The following ZFP2 variants were observed in gnomAD, a reference collection of about 807,000 sequenced individuals.
ZFP2 encodes the protein ZFP2 zinc finger protein.
A neutral mutation model predicts 36.1 loss-of-function variants in ZFP2; 33 were observed. That is an observed-to-expected ratio of 0.92 (90% CI 0.69 to 1.22). ZFP2 has a LOEUF of 1.22. Among genes scored for constraint, ZFP2 ranks in the 50% most tolerant of loss-of-function variants. The pLI is 0.00. For missense variants in ZFP2, 522 were observed against 551.4 expected (o/e 0.95, Z 0.53); for synonymous variants, 170 against 178.0 (o/e 0.96, Z 0.36).
chr5:178,928,659 G>C (rs1561685377), intron 4 of ZFP2, among the ~76,000 whole-genome samples: 3 of 152,242 alleles, frequency 2.0e-5, no homozygotes, highest in Non-Finnish European at 4.4e-5. Flanking sequence ...AGTCCCTGCA[G>C]TGCTCTCATG....
At chr5:178,918,415 T>C (rs1036795995) in intron 4 of ZFP2, among the ~76,000 whole-genome samples, 3 of 152,142 alleles carry the variant, frequency 2.0e-5, no homozygotes, top group Non-Finnish European at 4.4e-5. Context: ...AGAAAATAAA[T>C]AAATCAACTT....
intron 1 of ZFP2, among the ~76,000 whole-genome samples, chr5:178,905,908 C>T (rs1205580224): frequency 3.3e-5 from 5 of 152,178 alleles, no homozygotes; most frequent in South Asian, 2.1e-4. Flanking sequence ...CACACTACCA[C>T]GCCCAGCCAA....
chr5:178,932,281 TAA>T lies in ZFP2; in HGVS notation c.971_972del (p.Lys324ThrfsTer3), dbSNP rs1334894824. The T allele has an allele frequency of 5.6e-6, 9 of 1,613,952 alleles. No homozygotes were observed. The highest frequency in any genetic ancestry group is 7.6e-6 in the Non-Finnish European group (9 of 1,180,002). ...GAACATCAGAGACTTCATTCTGGAGTAAAACCTTTTGAATGTAACGAGTGTGG... is the reference window on the plus strand; with the variant it reads ...GAACATCAGAGACTTCATTCTGGAGTAACCTTTTGAATGTAACGAGTGTGG... On this transcript the variant is annotated frameshift_variant, in exon 5 of 5. Transcript: ENST00000361362. LOFTEE classifies it high-confidence loss of function.
intron 4 of ZFP2, among the ~76,000 whole-genome samples, chr5:178,918,478 C>A (rs1246785507): frequency 6.6e-6 from 1 of 152,224 alleles, no homozygotes; most frequent in African/African-American, 2.4e-5. Flanking sequence ...ATCCCACACA[C>A]CCATACTGTG....
chr5:178,898,109 C>T (rs1730726809), intron 1 of ZFP2, among the ~76,000 whole-genome samples: 5 of 152,176 alleles, frequency 3.3e-5, no homozygotes, highest in Admixed American at 3.3e-4. Flanking sequence ...CTGCCTCAGA[C>T]TCCTGAGTGG....
chr5:178,925,677 A>C (rs947669784), intron 4 of ZFP2, among the ~76,000 whole-genome samples: 2 of 149,066 alleles, frequency 1.3e-5, no homozygotes, highest in African/African-American at 4.9e-5. Flanking sequence ...TTACGTTTGC[A>C]GACCATTCAG....
Position 178,913,024 on chromosome 5 carries a change from GA to G in ZFP2, c.-270del. On this transcript the variant is annotated 5_prime_UTR_variant, in exon 3 of 5. It introduces an in-frame stop codon into an upstream open reading frame of the 5' UTR. Coordinates refer to ENST00000361362, the MANE Select transcript of ZFP2 (RefSeq NM_030613.4). ...CCCAATGGGACTTCCCAGCTGGAAC[GA>G]GAACTGAGTCTGATGCAAAAAGAAC... The G allele has an allele frequency of 1.0e-6, 1 of 985,886 alleles. No individual in the cohort carries two copies. Among genetic ancestry groups the G allele is most frequent in the Non-Finnish European group, 1.2e-6 (1 of 829,958 alleles). The allele number at this position is 985,886 out of a possible 1,614,324, so 61.1% of individuals were successfully genotyped here. A position where few individuals can be genotyped will look rare whatever the true frequency, so the allele number is the denominator to read the frequency against.
chr5:178,916,653 G>A lies in ZFP2; in HGVS notation c.-135G>A. On this transcript the variant is annotated 5_prime_UTR_variant, in exon 4 of 5. Coordinates refer to ENST00000361362, the MANE Select transcript of ZFP2 (RefSeq NM_030613.4). ...CAAGGGGAGAAAGTATTGACTGAGT[G>A]CTGTGCTCAGCTCTTCCACAGCCAG... 1 of 985,394 alleles carries A rather than the reference G, an allele frequency of 1.0e-6. No homozygotes were observed. Among genetic ancestry groups the A allele is most frequent in the Non-Finnish European group, 1.2e-6 (1 of 829,910 alleles). 61.0% of individuals were successfully genotyped at this position (985,394 alleles called of 1,614,324 possible). A position where few individuals can be genotyped will look rare whatever the true frequency, so the allele number is the denominator to read the frequency against.
chr5:178,932,271 C>A lies in ZFP2; in HGVS notation c.958C>A (p.His320Asn). The change falls in exon 5 of 5, where the codon CAT (histidine) becomes AAT (asparagine). Residue 320 changes from histidine to asparagine, a missense_variant. Coordinates refer to ENST00000361362, the MANE Select transcript of ZFP2 (RefSeq NM_030613.4). ...STYLIEHQRL[H>N]SGVKPFECNE... ...ATATCTTATAGAACATCAGAGACTT[C>A]ATTCTGGAGTAAAACCTTTTGAATG... 4 of 1,614,206 alleles carry A rather than the reference C, an allele frequency of 2.5e-6. No individual in the cohort carries two copies. Among genetic ancestry groups the A allele is most frequent in the Non-Finnish European group, 3.4e-6 (4 of 1,180,036 alleles).
At chr5:178,901,796 T>TG (rs1758062620) in intron 1 of ZFP2, among the ~76,000 whole-genome samples, 1 of 107,184 alleles carries the variant, frequency 9.3e-6, no homozygotes, top group South Asian at 2.9e-4. Flanking sequence ...TTTTTTGGTT[T>TG]GTTTTTTTTT....
In ZFP2 at chr5:178,932,819, A is replaced by G. The variant is rs564689355; in HGVS notation, c.*120A>G. 3.2e-6 allele frequency: 4 copies of G among 1,247,114 alleles called. No individual in the cohort carries two copies. The highest frequency in any genetic ancestry group is 5.0e-5 in the East Asian group (2 of 40,144). The allele number at this position is 1,247,114 out of a possible 1,614,324, so 77.3% of individuals were successfully genotyped here. A position where few individuals can be genotyped will look rare whatever the true frequency, so the allele number is the denominator to read the frequency against. On this transcript the variant is annotated 3_prime_UTR_variant, in exon 5 of 5. Coordinates refer to ENST00000361362, the MANE Select transcript of ZFP2 (RefSeq NM_030613.4). ...GGGAATCTTTCAGTTGAAGTACAAT[A>G]TGTCATATCAGATAATACCACTGCA...
Position 178,916,290 on chromosome 5 carries a change from G to T in ZFP2, c.-223-275G>T, listed in dbSNP as rs963506210. On this transcript the variant is annotated intron_variant, in intron 3 of 4. Transcript: ENST00000361362. ...GCCCATTTAGTGCTGAGAGAAATACGCTGTGGGCAGAAAAGTGAAGAGGAA... is the reference window on the plus strand; with the variant it reads ...GCCCATTTAGTGCTGAGAGAAATACTCTGTGGGCAGAAAAGTGAAGAGGAA... 2.0e-5 allele frequency among the ~76,000 whole-genome samples: 3 copies of T among 152,206 alleles called. No individual in the cohort carries two copies. In the East Asian group the frequency reaches 5.8e-4, roughly 29 times the overall value.
intron 3 of ZFP2, chr5:178,915,598 G>GC (rs1758408190): frequency 6.7e-6 from 1 of 148,864 alleles, no homozygotes; most frequent in Non-Finnish European, 1.5e-5. Context: ...ATAGGCGTGA[G>GC]CCATGGCACC....
intron 4 of ZFP2, among the ~76,000 whole-genome samples, chr5:178,929,418 C>A (rs1758770364): frequency 6.6e-6 from 1 of 152,160 alleles, no homozygotes; most frequent in African/African-American, 2.4e-5. Flanking sequence ...AGCAGACAAC[C>A]CACCTCTTGT....
At chr5:178,905,041 G>A (rs770910430) in intron 1 of ZFP2, among the ~76,000 whole-genome samples, 2 of 151,918 alleles carry the variant, frequency 1.3e-5, no homozygotes, top group Middle Eastern at 3.4e-3. Flanking sequence ...CTCATTTTTC[G>A]TTTCAAAAGT....
intron 3 of ZFP2, among the ~76,000 whole-genome samples, chr5:178,916,345 CTG>C (rs1214675504): frequency 3.9e-5 from 6 of 152,184 alleles, no homozygotes; most frequent in Admixed American, 3.9e-4. Flanking sequence ...TAAGTACAGA[CTG>C]TCGTTTCAAC....
chr5:178,920,003 G>C (rs140686270), intron 4 of ZFP2, among the ~76,000 whole-genome samples: 1 of 151,996 alleles, frequency 6.6e-6, no homozygotes, highest in Non-Finnish European at 1.5e-5. Flanking sequence ...GCATCTGGGC[G>C]TGGATTTCTT....
Position 178,931,687 on chromosome 5 carries a change from C to A in ZFP2, c.374C>A (p.Thr125Asn), listed in dbSNP as rs755494555. Residue 125 changes from threonine to asparagine, a missense_variant, in exon 5 of 5, where the codon ACT (threonine) becomes AAT (asparagine). Physicochemically the swap from Thr to Asn is moderately conservative, Grantham distance 65 (BLOSUM62 0). Coordinates refer to ENST00000361362, the MANE Select transcript of ZFP2 (RefSeq NM_030613.4). ...SSLLKHQRIH[T>N]GEKPYKCNVC... ...CTTCTTAAGCACCAGAGGATTCATA[C>A]TGGGGAGAAACCCTATAAGTGTAAT... 1 of 1,614,036 alleles carries A rather than the reference C, an allele frequency of 6.2e-7. No homozygotes were observed. The highest frequency in any genetic ancestry group is 8.5e-7 in the Non-Finnish European group (1 of 1,180,018).
chr5:178,907,126 T>C (rs1758182592), intron 1 of ZFP2, among the ~76,000 whole-genome samples: 1 of 152,046 alleles, frequency 6.6e-6, no homozygotes, highest in Admixed American at 6.6e-5. Context: ...TCTGGGGAAC[T>C]GGACCCTCTT....
Sources: gnomAD v4.1 joint callset for allele counts (sites outside exome capture counted in the v4.1 genomes callset) on GRCh38, gnomAD v4.1.1 for gene constraint, MANE v1.5 for transcripts, NCBI Gene and HGNC (gene_info 2026-07-23, HGNC 2026-07-21) for gene names.